SLC38A8: variants seen among roughly 807,000 people sequenced by gnomAD.
The protein encoded by SLC38A8 is solute carrier family 38 member 8.
In SLC38A8, 65 loss-of-function variants were observed where a neutral mutation model predicts 46.0. The observed-to-expected ratio is 1.41, with a 90% confidence interval of 1.16 to 1.74. The LOEUF (loss-of-function observed/expected upper bound fraction) is 1.74, where lower values mean the gene tolerates loss of function less well. SLC38A8 is among the 40% of genes most tolerant of loss of function. The pLI, the probability that SLC38A8 is intolerant of heterozygous loss-of-function variation, is 0.00. For synonymous variants in SLC38A8, 447 were observed against 243.7 expected (o/e 1.83, Z -7.77); for missense variants, 998 against 567.9 (o/e 1.76, Z -7.70).
At chr16:84,012,953 C>G (rs779499799) in intron 10 of SLC38A8, 48 bp downstream of exon 10, 2 of 1,600,506 alleles carry the variant, frequency 1.2e-6, no homozygotes, top group South Asian at 1.1e-5. Context: ...CATTCTTACT[C>G]TGATCCGGGG....
At chr16:84,030,458 T>A (rs1389842334) in intron 5 of SLC38A8, among the ~76,000 whole-genome samples, 1 of 151,964 alleles carries the variant, frequency 6.6e-6, no homozygotes, top group African/African-American at 2.4e-5. Flanking sequence ...GTCAGCCACG[T>A]TTCTCCTGCC....
intron 9 of SLC38A8, 36 bp downstream of exon 9, chr16:84,016,483 C>CCTGGG: frequency 6.2e-7 from 1 of 1,605,558 alleles, no homozygotes; most frequent in East Asian, 2.2e-5. Flanking sequence ...CAGGGAAGAA[C>CCTGGG]AAGTGGGCAG....
intron 7 of SLC38A8, among the ~76,000 whole-genome samples, chr16:84,018,301 C>T (rs1192332014): frequency 1.4e-5 from 2 of 138,826 alleles, no homozygotes; most frequent in Admixed American, 8.1e-5. Context: ...GGCACGATCT[C>T]GGCTCACTGC....
intron 7 of SLC38A8, among the ~76,000 whole-genome samples, chr16:84,020,880 T>C (rs572727721): frequency 6.6e-6 from 1 of 152,188 alleles, no homozygotes; most frequent in Admixed American, 6.5e-5. Context: ...CTGCACTCTA[T>C]ACGGCCAGGC....
intron 2 of SLC38A8, among the ~76,000 whole-genome samples, chr16:84,038,522 C>T (rs1456401193): frequency 6.6e-6 from 1 of 152,202 alleles, no homozygotes; most frequent in Non-Finnish European, 1.5e-5. Context: ...CCCTGGAATA[C>T]TCTGGCGTGC....
At chr16:84,028,102 G>A (rs771766521) in intron 6 of SLC38A8, among the ~76,000 whole-genome samples, 1 of 151,190 alleles carries the variant, frequency 6.6e-6, no homozygotes, top group Admixed American at 6.6e-5. Flanking sequence ...ATGAAGAACA[G>A]AAGCAGAGCT....
Position 84,017,225 on chromosome 16 carries a change from C to T in SLC38A8, c.868G>A (p.Gly290Ser), listed in dbSNP as rs912452746. 8 of 1,614,088 alleles carry T rather than the reference C, an allele frequency of 5.0e-6. No individual in the cohort carries two copies. The highest frequency in any genetic ancestry group is 6.8e-6 in the Non-Finnish European group (8 of 1,180,020). ...VSADVLMSYP[G>S]NDMVIIVARV... The stretch of plus-strand genomic sequence containing the variant: ...GCCACAATGATGACCATATCATTGC[C>T]TGGGTAGGACATCAAGACGTCAGCA... The change falls in exon 8 of 11, where the codon GGC becomes AGC. Residue 290 changes from glycine to serine, a missense_variant. Coordinates refer to ENST00000299709, the MANE Select transcript of SLC38A8 (RefSeq NM_001080442.3).
At chr16:84,020,301 G>A (rs1444084167) in intron 7 of SLC38A8, among the ~76,000 whole-genome samples, 1 of 152,092 alleles carries the variant, frequency 6.6e-6, no homozygotes, top group Non-Finnish European at 1.5e-5. Flanking sequence ...ACACCACTAT[G>A]TTCTGCTCAT....
rs112633431 is a variant in SLC38A8, at chr16:84,037,492, G to A, written c.190-592C>T. Among the ~76,000 whole-genome samples the A allele has an allele frequency of 4.7e-3, 710 of 152,334 alleles. 6 individuals carry two copies. Among genetic ancestry groups the A allele is most frequent in the Middle Eastern group, 6.8e-3 (2 of 294 alleles). On this transcript the variant is annotated intron_variant, in intron 2 of 10. Coordinates refer to ENST00000299709, the MANE Select transcript of SLC38A8 (RefSeq NM_001080442.3). ...AAATGGTGTTCCGGCTGGGCACAGT[G>A]GCTCATGCCTGCAATCCCAGCACTT...
chr16:84,021,668 C>A (rs58499828), intron 7 of SLC38A8, among the ~76,000 whole-genome samples: 1 of 151,998 alleles, frequency 6.6e-6, no homozygotes, highest in Non-Finnish European at 1.5e-5. Flanking sequence ...GCTCCAAAGC[C>A]GCTTCCACGT....
At chr16:84,032,120 G>T (rs184946434) in intron 4 of SLC38A8, 152 bp from the exon 5 acceptor site, 10 of 637,938 alleles carry the variant, frequency 1.6e-5, no homozygotes, top group Admixed American at 1.4e-4. Context: ...CATCTGTACA[G>T]GGGGCATGTG....
At chr16:84,021,568 G>A (rs763190579) in intron 7 of SLC38A8, among the ~76,000 whole-genome samples, 22 of 152,112 alleles carry the variant, frequency 1.4e-4, no homozygotes, top group Admixed American at 3.3e-4. Context: ...AGTTCCAAAT[G>A]TTCCCTAGTC....
intron 2 of SLC38A8, 104 bp from the exon 3 acceptor site, chr16:84,037,004 G>A (rs1483662383): frequency 3.3e-6 from 4 of 1,202,948 alleles, no homozygotes; most frequent in South Asian, 1.4e-5. Context: ...CTCATCCACA[G>A]AGGCCAGGGC....
chr16:84,024,280 A>G (rs1302926913), intron 6 of SLC38A8, among the ~76,000 whole-genome samples: 5 of 152,224 alleles, frequency 3.3e-5, no homozygotes, highest in Non-Finnish European at 7.3e-5. Flanking sequence ...GGGCTTGACC[A>G]TGTCACATGG....
chr16:84,026,742 T>C (rs2085168925), intron 6 of SLC38A8, among the ~76,000 whole-genome samples: 1 of 152,150 alleles, frequency 6.6e-6, no homozygotes, highest in South Asian at 2.1e-4. Context: ...ATAGGGTGGC[T>C]ACAACATGGA....
chr16:84,016,906 G>A, intron 8 of SLC38A8, 179 bp from the exon 9 acceptor site: 2 of 972,388 alleles, frequency 2.1e-6, no homozygotes, highest in Non-Finnish European at 3.0e-6. Flanking sequence ...CCATCGGGCA[G>A]CCCATGGGGC....
rs7184659 is a variant in SLC38A8 at position 84,023,966 on chromosome 16, C to G, written c.691-1077G>C. 6.1e-4 allele frequency among the ~76,000 whole-genome samples: 93 copies of G among 152,146 alleles called. 2 individuals are homozygous for G. The South Asian group carries it at 0.017, about 28-fold the overall frequency. On this transcript the variant is annotated intron_variant, in intron 6 of 10. Transcript: ENST00000299709. ...CGAAGTCCAAGTTACAAGATAAACACTTCTACACCAGGGTTTCTCAGCCTT... is the reference window on the plus strand; with the variant it reads ...CGAAGTCCAAGTTACAAGATAAACAGTTCTACACCAGGGTTTCTCAGCCTT...
At chr16:84,028,604 G>A (rs984565280) in intron 6 of SLC38A8, among the ~76,000 whole-genome samples, 1 of 151,036 alleles carries the variant, frequency 6.6e-6, no homozygotes, top group African/African-American at 2.4e-5. Flanking sequence ...GAAGAGCAGT[G>A]TCTGCTTCCA....
intron 5 of SLC38A8, among the ~76,000 whole-genome samples, chr16:84,030,598 C>T (rs1298496589): frequency 6.6e-6 from 1 of 152,130 alleles, no homozygotes; most frequent in African/African-American, 2.4e-5. Flanking sequence ...ACCCGCCCTG[C>T]TCAGTCCTCT....
Sources: allele counts gnomAD v4.1 joint callset (sites outside exome capture counted in the v4.1 genomes callset), GRCh38; gene constraint gnomAD v4.1.1; transcripts MANE v1.5; gene names NCBI Gene and HGNC (gene_info 2026-07-23, HGNC 2026-07-21).